The following TCF12 variants were observed in gnomAD, a reference collection of about 807,000 sequenced individuals.
TCF12 encodes transcription factor 12.
A neutral mutation model predicts 86.0 loss-of-function variants in TCF12; 45 were observed. The ratio of observed to expected loss-of-function variants is 0.52; its 90% CI spans 0.41 to 0.67. The LOEUF is 0.67. Among genes scored for constraint, TCF12 ranks in the 30% least tolerant of loss-of-function variants. TCF12 has a pLI of 0.00. For missense variants in TCF12, 881 were observed against 859.9 expected (o/e 1.02, Z -0.31); for synonymous variants, 330 against 299.6 (o/e 1.10, Z -1.05).
intron 19 of TCF12, among the ~76,000 whole-genome samples, chr15:57,274,493 G>A (rs2061289888): frequency 1.3e-5 from 2 of 152,200 alleles, no homozygotes; most frequent in African/African-American, 4.8e-5. Flanking sequence ...AGACTCCCTT[G>A]TGATATCCAT....
At chr15:56,927,663 A>G (rs969468222) in intron 3 of TCF12, among the ~76,000 whole-genome samples, 4 of 152,078 alleles carry the variant, frequency 2.6e-5, no homozygotes, top group Non-Finnish European at 2.9e-5. Context: ...TTGTGTATGT[A>G]TATGTTTTTG....
intron 3 of TCF12, among the ~76,000 whole-genome samples, chr15:57,019,915 A>G (rs192531780): frequency 1.3e-5 from 2 of 152,036 alleles, no homozygotes; most frequent in East Asian, 3.9e-4. Flanking sequence ...GAGGGGGATT[A>G]GTTTTAGGGG....
chr15:57,000,581 A>T (rs1172689536), intron 3 of TCF12, among the ~76,000 whole-genome samples: 5 of 152,044 alleles, frequency 3.3e-5, no homozygotes, highest in Non-Finnish European at 7.3e-5. Flanking sequence ...TAGGAAGCTA[A>T]TGAAGTACAA....
intron 3 of TCF12, among the ~76,000 whole-genome samples, chr15:57,054,030 T>G (rs1158273156): frequency 1.3e-5 from 2 of 152,188 alleles, no homozygotes; most frequent in Non-Finnish European, 2.9e-5. Context: ...ATATAAATTT[T>G]TCTTTTGTGA....
chr15:57,166,884 T>C (rs2054934545), intron 6 of TCF12, among the ~76,000 whole-genome samples: 1 of 152,228 alleles, frequency 6.6e-6, no homozygotes, highest in South Asian at 2.1e-4. Context: ...AACCAATTTT[T>C]AGGCTTCACA....
At chr15:57,098,306 G>A (rs1443297587) in intron 5 of TCF12, among the ~76,000 whole-genome samples, 1 of 152,136 alleles carries the variant, frequency 6.6e-6, no homozygotes, top group African/African-American at 2.4e-5. Flanking sequence ...AACTTCTTGT[G>A]TTCAACCATT....
intron 3 of TCF12, among the ~76,000 whole-genome samples, chr15:57,039,939 A>ATTAC (rs2066782983): frequency 6.6e-6 from 1 of 152,178 alleles, no homozygotes; most frequent in South Asian, 2.1e-4. Context: ...ATATAACTGT[A>ATTAC]TTACTCTTTG....
At chr15:56,974,557 A>G (rs555296467) in intron 3 of TCF12, among the ~76,000 whole-genome samples, 3 of 152,172 alleles carry the variant, frequency 2.0e-5, no homozygotes, top group South Asian at 2.1e-4. Flanking sequence ...TTAAATATCC[A>G]CTTTGTTAGA....
intron 3 of TCF12, among the ~76,000 whole-genome samples, chr15:57,030,117 T>G (rs1388457994): frequency 6.6e-6 from 1 of 152,156 alleles, no homozygotes; most frequent in Admixed American, 6.6e-5. Flanking sequence ...GATTACTGGG[T>G]CATGTGATAA....
intron 5 of TCF12, among the ~76,000 whole-genome samples, chr15:57,098,590 A>G (rs1471601733): frequency 6.6e-6 from 1 of 152,228 alleles, no homozygotes; most frequent in Non-Finnish European, 1.5e-5. Flanking sequence ...AATTTCAACA[A>G]TTAATATACG....
At chr15:56,931,394 G>T (rs192398717) in intron 3 of TCF12, among the ~76,000 whole-genome samples, 3 of 152,106 alleles carry the variant, frequency 2.0e-5, no homozygotes, top group African/African-American at 7.2e-5. Flanking sequence ...AAAATCAGGA[G>T]TGTAGAATTC....
At position 57,063,785 on chromosome 15, in the gene TCF12, A is replaced by G; in HGVS notation, c.184A>G (p.Thr62Ala). Reference sequence around the variant, plus strand: ...AAGAGGAGGTACAACATCTTGGGGAACAAGTGGTCAACCAAGTCCTTCCTA... The same window carrying G: ...AAGAGGAGGTACAACATCTTGGGGAGCAAGTGGTCAACCAAGTCCTTCCTA... The part of the protein sequence containing the change: ...DERGGTTSWG[T>A]SGQPSPSYDS... The change falls in exon 4 of 21, where the codon ACA becomes GCA. Residue 62 changes from threonine (T) to alanine (A), a missense_variant. Thr to Ala is a moderately conservative substitution (Grantham distance 58). Around this residue, in one of 3 missense-constraint regions of TCF12, gnomAD observed 766 missense variants for 718.9 expected, o/e 1.07. Coordinates refer to ENST00000333725, the MANE Select transcript of TCF12 (RefSeq NM_207037.2). 5 of 1,603,016 alleles carry G rather than the reference A, an allele frequency of 3.1e-6. No individual in the cohort carries two copies. Among genetic ancestry groups the G allele is most frequent in the Non-Finnish European group, 4.3e-6 (5 of 1,171,578 alleles).
chr15:57,195,339 A>G (rs894166993), intron 7 of TCF12, among the ~76,000 whole-genome samples: 6 of 152,242 alleles, frequency 3.9e-5, no homozygotes, highest in Admixed American at 3.3e-4. Context: ...TTCTTTTCAC[A>G]TGGCAGTGGA....
At chr15:56,932,601 C>T (rs759386194) in intron 3 of TCF12, among the ~76,000 whole-genome samples, 4 of 151,938 alleles carry the variant, frequency 2.6e-5, no homozygotes, top group Non-Finnish European at 5.9e-5. Flanking sequence ...CAGAGTGTGG[C>T]TCTGTCGCCC....
At chr15:57,237,544 T>C (rs2059431944) in intron 12 of TCF12, among the ~76,000 whole-genome samples, 1 of 152,170 alleles carries the variant, frequency 6.6e-6, no homozygotes, top group African/African-American at 2.4e-5. Flanking sequence ...CATTGGGAGT[T>C]ATTCATTATT....
At chr15:57,007,810 C>CTT (rs1470861079) in intron 3 of TCF12, among the ~76,000 whole-genome samples, 3 of 124,290 alleles carry the variant, frequency 2.4e-5, no homozygotes, top group African/African-American at 5.8e-5. Flanking sequence ...TTCTTTCTTT[C>CTT]TTTCTTTCTT....
At chr15:56,952,531 C>T (rs1469169796) in intron 3 of TCF12, among the ~76,000 whole-genome samples, 1 of 151,942 alleles carries the variant, frequency 6.6e-6, no homozygotes, top group Non-Finnish European at 1.5e-5. Context: ...CTGTAGCATT[C>T]CATTTATTTA....
chr15:57,066,939 A>C (rs1357387497), intron 4 of TCF12, among the ~76,000 whole-genome samples: 2 of 152,198 alleles, frequency 1.3e-5, no homozygotes, highest in Non-Finnish European at 2.9e-5. Flanking sequence ...CAGGGTCCTG[A>C]CTTTAATTGT....
Position 57,253,460 on chromosome 15 carries a change from G to C in TCF12, c.1459G>C (p.Ala487Pro). Residue 487 changes from alanine (A) to proline (P), a missense_variant, in exon 16 of 21, where the codon GCT (alanine) becomes CCT (proline). Ala to Pro is a conservative substitution (Grantham distance 27). Around this residue, in one of 3 missense-constraint regions of TCF12, gnomAD observed 766 missense variants for 718.9 expected, o/e 1.07. Coordinates refer to ENST00000333725, the MANE Select transcript of TCF12 (RefSeq NM_207037.2). ...AAGCCTTGTTGCAAGCAGTCGATCAGCTTCAATGGTAAAATCATGCTCATC... is the reference window on the plus strand; with the variant it reads ...AAGCCTTGTTGCAAGCAGTCGATCACCTTCAATGGTAAAATCATGCTCATC... ...GSSLVASSRS[A>P]SMVGTHREDS... 1 of 1,613,980 alleles carries C rather than the reference G, an allele frequency of 6.2e-7. No individual in the cohort carries two copies. Among genetic ancestry groups the C allele is most frequent in the Non-Finnish European group, 8.5e-7 (1 of 1,179,940 alleles).
Sources: allele counts gnomAD v4.1 joint callset (sites outside exome capture counted in the v4.1 genomes callset), GRCh38; gene constraint gnomAD v4.1.1; regional missense constraint gnomAD v4.1.1; transcripts MANE v1.5; gene names NCBI Gene and HGNC (gene_info 2026-07-23, HGNC 2026-07-21).